Variants in ZNF438 observed in about 807,000 individuals in gnomAD.
The protein encoded by ZNF438 is zinc finger protein 438.
In ZNF438, 25 loss-of-function variants were observed where a neutral mutation model predicts 38.0. That is an observed-to-expected ratio of 0.66 (90% CI 0.48 to 0.92). ZNF438 has a LOEUF of 0.92. Ranked by LOEUF, ZNF438 falls within the 40% of genes least tolerant of loss-of-function variation. The pLI is 0.00. For missense variants in ZNF438, 1,007 were observed against 999.6 expected (o/e 1.01, Z -0.10); for synonymous variants, 372 against 364.1 (o/e 1.02, Z -0.25).
At chr10:30,849,895 CAGG>C (rs1420385342) in exon 5 of ZNF438, 10 of 1,613,956 alleles carry the variant, frequency 6.2e-6, no homozygotes, top group Non-Finnish European at 7.6e-6. Context: ...TGGGTTTGTA[CAGG>C]AGTTCAGGGT....
intron 1 of ZNF438, among the ~76,000 whole-genome samples, chr10:30,962,281 A>G (rs559576882): frequency 1.4e-5 from 2 of 147,288 alleles, no homozygotes; most frequent in East Asian, 3.9e-4. Flanking sequence ...ATAACTAGTA[A>G]AACTTGTAAG....
chr10:30,930,215 G>T (rs2045489252), intron 2 of ZNF438, among the ~76,000 whole-genome samples: 1 of 152,102 alleles, frequency 6.6e-6, no homozygotes, highest in African/African-American at 2.4e-5. Context: ...CCCGAGCCCT[G>T]CCTGGCGGGA....
chr10:30,992,107 T>C (rs2053563352), intron 1 of ZNF438, among the ~76,000 whole-genome samples: 1 of 152,250 alleles, frequency 6.6e-6, no homozygotes, highest in African/African-American at 2.4e-5. Context: ...TCTTGCCATC[T>C]GCAAGACCCT....
intron 2 of ZNF438, among the ~76,000 whole-genome samples, chr10:30,938,379 G>A (rs897090142): frequency 4.0e-5 from 6 of 151,772 alleles, no homozygotes; most frequent in Non-Finnish European, 7.4e-5. Context: ...GGATTCAAGC[G>A]ATTCTCCTGT....
At chr10:30,949,589 G>A (rs1281423136) in intron 1 of ZNF438, among the ~76,000 whole-genome samples, 3 of 152,140 alleles carry the variant, frequency 2.0e-5, no homozygotes, top group Non-Finnish European at 4.4e-5. Flanking sequence ...AAAAAAGGCA[G>A]GGGTTGTAAT....
chr10:30,966,959 T>C (rs1228055033), intron 1 of ZNF438, among the ~76,000 whole-genome samples: 1 of 152,172 alleles, frequency 6.6e-6, no homozygotes, highest in African/African-American at 2.4e-5. Context: ...TTCAAAGAGA[T>C]ACTGTTTCGT....
chr10:30,996,033 G>A (rs2054012479), intron 1 of ZNF438, among the ~76,000 whole-genome samples: 1 of 152,104 alleles, frequency 6.6e-6, no homozygotes, highest in South Asian at 2.1e-4. Context: ...TAAATCAGAA[G>A]TGAAATTCTT....
intron 4 of ZNF438, among the ~76,000 whole-genome samples, chr10:30,872,493 G>C (rs1305059996): frequency 7.3e-6 from 1 of 136,440 alleles, no homozygotes; most frequent in East Asian, 2.5e-4. Flanking sequence ...GCTGACACCT[G>C]TAATCCCAGC....
chr10:30,857,366 T>G (rs182030301), intron 4 of ZNF438, among the ~76,000 whole-genome samples: 210 of 151,924 alleles, frequency 1.4e-3, no homozygotes, highest in African/African-American at 4.8e-3. Context: ...GTGATTCTCC[T>G]GCCTTAGCCT....
At position 30,921,791 on chromosome 10, in the gene ZNF438, A is replaced by C. The variant is rs187096546; in HGVS notation, c.-114-12776T>G. ...TCTTAAGAGATATGTAGGCCTAGATAGTTTTAAGGCAATCTATTTCCAGGT... is the reference window on the plus strand; with the variant it reads ...TCTTAAGAGATATGTAGGCCTAGATCGTTTTAAGGCAATCTATTTCCAGGT... On this transcript the variant is annotated intron_variant, in intron 2 of 5. Coordinates refer to ENST00000413025, the Ensembl canonical transcript of ZNF438. Among the ~76,000 whole-genome samples, 427 of 152,292 alleles carry C rather than the reference A, an allele frequency of 2.8e-3. 3 individuals are homozygous for C. Among genetic ancestry groups the C allele is most frequent in the Non-Finnish European group, 3.4e-3 (231 of 68,012 alleles).
intron 4 of ZNF438, among the ~76,000 whole-genome samples, chr10:30,861,436 T>C (rs1747183079): frequency 6.6e-6 from 1 of 152,120 alleles, no homozygotes; most frequent in South Asian, 2.1e-4. Flanking sequence ...GCTGGCTATA[T>C]CATGCTGCAA....
In ZNF438 at chr10:30,954,212, A is replaced by G. The variant is rs556873298; in HGVS notation, c.-191-12561T>C. On this transcript the variant is annotated intron_variant, in intron 1 of 5. Transcript: ENST00000413025. ...GAAGATTTCTAGGCGAAAGGTTGAA[A>G]GTGGTGGTCTCCTTTAGCTATCTAT... is the stretch of plus-strand genomic sequence containing the variant. Among the ~76,000 whole-genome samples, 13 of 152,316 alleles carry G rather than the reference A, an allele frequency of 8.5e-5. No homozygotes were observed. The South Asian group carries it at 2.5e-3, about 29-fold the overall frequency.
chr10:30,847,778 C>T (rs2032587292), intron 5 of ZNF438, among the ~76,000 whole-genome samples: 2 of 152,232 alleles, frequency 1.3e-5, no homozygotes, highest in South Asian at 4.1e-4. Flanking sequence ...AAGGAGGTGG[C>T]ACCTGGAGCT....
intron 1 of ZNF438, among the ~76,000 whole-genome samples, chr10:30,957,476 G>C (rs1305782043): frequency 1.3e-5 from 2 of 152,138 alleles, no homozygotes; most frequent in Non-Finnish European, 1.5e-5. Flanking sequence ...CCAATGTCAT[G>C]AAGTGTTTCT....
At chr10:30,974,978 T>G (rs1735153265) in intron 1 of ZNF438, among the ~76,000 whole-genome samples, 1 of 152,144 alleles carries the variant, frequency 6.6e-6, no homozygotes. Context: ...CACCCTAACC[T>G]GATAATCCTG....
At chr10:30,924,511 C>T (rs542849319) in intron 2 of ZNF438, among the ~76,000 whole-genome samples, 1 of 152,276 alleles carries the variant, frequency 6.6e-6, no homozygotes, top group African/African-American at 2.4e-5. Flanking sequence ...AGGTCATTTC[C>T]TGAGAAAGGA....
chr10:30,915,076 T>C (rs574912087), intron 2 of ZNF438, among the ~76,000 whole-genome samples: 1 of 152,122 alleles, frequency 6.6e-6, no homozygotes, highest in East Asian at 1.9e-4. Context: ...CTTTGAAAAA[T>C]AAATGAAATA....
chr10:30,947,987 G>A (rs549979300), intron 1 of ZNF438, among the ~76,000 whole-genome samples: 8 of 141,214 alleles, frequency 5.7e-5, no homozygotes, highest in South Asian at 2.3e-4. Context: ...CATCGCTCAC[G>A]CTGGGAGCTG....
In ZNF438 at chr10:30,870,761, T is replaced by C. The variant is rs373053519; in HGVS notation, c.37+6237A>G. On this transcript the variant is annotated intron_variant, in intron 4 of 5. Transcript: ENST00000413025. ...TCCTTGAATATCGCCTAGGAACAAA[T>C]GGCTCAGTATTTGCTAATTCAGTGT... Among the ~76,000 whole-genome samples, 6 of 152,282 alleles carry C rather than the reference T, an allele frequency of 3.9e-5. No homozygotes were observed. In the East Asian group the frequency reaches 7.7e-4, roughly 20 times the overall value.
Sources: gnomAD v4.1 joint callset for allele counts (sites outside exome capture counted in the v4.1 genomes callset) on GRCh38, gnomAD v4.1.1 for gene constraint, MANE v1.5 for transcripts, NCBI Gene and HGNC (gene_info 2026-07-23, HGNC 2026-07-21) for gene names.